Variants in DYRK1A observed in about 807,000 individuals in gnomAD.
DYRK1A encodes dual specificity tyrosine phosphorylation regulated kinase 1A.
DYRK1A carries 9 observed loss-of-function variants against 79.7 expected under a neutral mutation model. The observed-to-expected ratio is 0.11, with a 90% CI of 0.07 to 0.20. DYRK1A has a LOEUF of 0.20. DYRK1A is among the 10% of genes least tolerant of loss of function. The pLI is 1.00. For synonymous variants in DYRK1A, 349 were observed against 329.7 expected (o/e 1.06, Z -0.63); for missense variants, 622 against 956.0 (o/e 0.65, Z 4.61).
intron 2 of DYRK1A, among the ~76,000 whole-genome samples, chr21:37,469,170 A>C (rs1449788016): frequency 1.3e-5 from 2 of 152,224 alleles, no homozygotes; most frequent in East Asian, 3.8e-4. Context: ...TGCATGCCAT[A>C]GTGAAGGAGT....
intron 2 of DYRK1A, among the ~76,000 whole-genome samples, chr21:37,452,343 A>G (rs1054563698): frequency 2.2e-5 from 3 of 136,406 alleles, no homozygotes; most frequent in African/African-American, 5.4e-5. Context: ...ATGTAGTTAG[A>G]TTGAGGGGGA....
Position 37,479,612 on chromosome 21 carries a change from G to GTTTTTTTTTTTTTTTTTTT in DYRK1A, c.301-1020_301-1019insTTTTTTTTTTTTTTTTTTT, listed in dbSNP as rs367673016. On this transcript the variant is annotated intron_variant, in intron 4 of 11. Coordinates refer to ENST00000647188, the MANE Select transcript of DYRK1A (RefSeq NM_001347721.2). ...GTGTTTTGTTTTTGTTTTTGTTTTT[G>GTTTTTTTTTTTTTTTTTTT]TTTTTTGTTTTTTTTTTTTTTTTTG... Among the ~76,000 whole-genome samples the GTTTTTTTTTTTTTTTTTTT allele has an allele frequency of 1.8e-3, 85 of 47,174 alleles. 12 individuals carry two copies. Among genetic ancestry groups the GTTTTTTTTTTTTTTTTTTT allele is most frequent in the East Asian group, 3.2e-3 (4 of 1,244 alleles). The allele number at this position is 47,174 out of a possible 152,430, so 30.9% of individuals were successfully genotyped here.
chr21:37,369,647 AG>A (rs1418252073), intron 1 of DYRK1A, among the ~76,000 whole-genome samples: 1 of 152,256 alleles, frequency 6.6e-6, no homozygotes, highest in Admixed American at 6.5e-5. Context: ...TTATTGCAGG[AG>A]GAAGGGTCAC....
chr21:37,479,610 T>G (rs2052541666), intron 4 of DYRK1A, among the ~76,000 whole-genome samples: 1 of 68,452 alleles, frequency 1.5e-5, no homozygotes, highest in Non-Finnish European at 2.4e-5. Flanking sequence ...GTTTTTGTTT[T>G]TGTTTTTTGT....
At chr21:37,417,791 C>G (rs1244691162) in intron 1 of DYRK1A, among the ~76,000 whole-genome samples, 1 of 151,968 alleles carries the variant, frequency 6.6e-6, no homozygotes, top group African/African-American at 2.4e-5. Flanking sequence ...ACCATGTAAG[C>G]TCGGTTCCTG....
At chr21:37,422,485 G>A (rs2050501832) in intron 2 of DYRK1A, among the ~76,000 whole-genome samples, 9 of 152,096 alleles carry the variant, frequency 5.9e-5, no homozygotes, top group Admixed American at 6.6e-5. Context: ...CTTTCTCTGG[G>A]CCTTGTTTTT....
intron 2 of DYRK1A, among the ~76,000 whole-genome samples, chr21:37,447,226 A>G (rs1245349467): frequency 3.9e-5 from 6 of 152,146 alleles, no homozygotes; most frequent in Non-Finnish European, 7.3e-5. Flanking sequence ...AAGATTTGTC[A>G]GTGAATGAAG....
chr21:37,441,884 T>A (rs910796086), intron 2 of DYRK1A, among the ~76,000 whole-genome samples: 3 of 151,984 alleles, frequency 2.0e-5, no homozygotes, highest in African/African-American at 7.2e-5. Context: ...GTATTTCTAT[T>A]AACATTTTTT....
At chr21:37,480,592 A>C in intron 4 of DYRK1A, 46 bp from the exon 5 acceptor site, 1 of 1,449,930 alleles carries the variant, frequency 6.9e-7, no homozygotes, top group Non-Finnish European at 9.3e-7. Context: ...GCCCTTCCTC[A>C]CAGTGATTTA....
intron 2 of DYRK1A, among the ~76,000 whole-genome samples, chr21:37,443,138 G>A (rs1312941287): frequency 6.6e-6 from 1 of 152,084 alleles, no homozygotes; most frequent in African/African-American, 2.4e-5. Flanking sequence ...ACCAGGGTAG[G>A]AGATGTCTTT....
At chr21:37,385,066 A>G (rs1168135791) in intron 1 of DYRK1A, among the ~76,000 whole-genome samples, 1 of 151,984 alleles carries the variant, frequency 6.6e-6, no homozygotes, top group Admixed American at 6.5e-5. Context: ...AATTGTGACA[A>G]GCAGAAGTTG....
At chr21:37,380,888 C>T (rs184397392) in intron 1 of DYRK1A, among the ~76,000 whole-genome samples, 9 of 152,284 alleles carry the variant, frequency 5.9e-5, no homozygotes, top group Admixed American at 3.3e-4. Context: ...TGTACCGGCT[C>T]CTAGTCTTTG....
chr21:37,494,969 T>G (rs1190712920), intron 8 of DYRK1A, among the ~76,000 whole-genome samples: 1 of 151,912 alleles, frequency 6.6e-6, no homozygotes, highest in African/African-American at 2.4e-5. Context: ...AATTGTGTGT[T>G]TGTGTGTATA....
intron 9 of DYRK1A, 37 bp downstream of exon 9, chr21:37,496,295 A>C: frequency 6.3e-7 from 1 of 1,577,618 alleles, no homozygotes; most frequent in Non-Finnish European, 8.6e-7. Context: ...GCCTTTATTA[A>C]ATTTCTTTAT....
chr21:37,453,277 AT>A (rs1330810993), intron 2 of DYRK1A, among the ~76,000 whole-genome samples: 1 of 152,200 alleles, frequency 6.6e-6, no homozygotes, highest in Non-Finnish European at 1.5e-5. Context: ...TTTATAGCAC[AT>A]CTTAATTCTT....
At chr21:37,366,554 T>C (rs1337152696), upstream of DYRK1A, among the ~76,000 whole-genome samples, 1 of 146,920 alleles carries the variant, frequency 6.8e-6, no homozygotes, top group African/African-American at 2.5e-5. Context: ...CGCGCCCTCC[T>C]CTGACACTCG....
chr21:37,398,134 A>G (rs1015994269), intron 1 of DYRK1A, among the ~76,000 whole-genome samples: 107 of 147,782 alleles, frequency 7.2e-4, no homozygotes, highest in East Asian at 4.7e-3. Flanking sequence ...ATATATGTGT[A>G]TATATATATA....
chr21:37,495,482 A>G (rs1474087314), intron 8 of DYRK1A, among the ~76,000 whole-genome samples: 1 of 152,116 alleles, frequency 6.6e-6, no homozygotes, highest in Non-Finnish European at 1.5e-5. Flanking sequence ...ACATGGTGAA[A>G]CCCTGTCTCT....
At chr21:37,479,762 G>A (rs2052567910) in intron 4 of DYRK1A, among the ~76,000 whole-genome samples, 1 of 151,348 alleles carries the variant, frequency 6.6e-6, no homozygotes, top group Non-Finnish European at 1.5e-5. Context: ...TGAGTAGCTG[G>A]GACTACAGGT....
Sources: allele counts gnomAD v4.1 joint callset (sites outside exome capture counted in the v4.1 genomes callset), GRCh38; gene constraint gnomAD v4.1.1; transcripts MANE v1.5; gene names NCBI Gene and HGNC (gene_info 2026-07-23, HGNC 2026-07-21).